TMEM178B: variants seen among roughly 807,000 people sequenced by gnomAD.
The protein encoded by TMEM178B is transmembrane protein 178B.
TMEM178B carries 5 observed loss-of-function variants against 31.0 expected under a neutral mutation model. That is an observed-to-expected ratio of 0.16 (90% confidence interval 0.08 to 0.34). The LOEUF (loss-of-function observed/expected upper bound fraction) is 0.34. Ranked by LOEUF, TMEM178B falls within the 10% of genes least tolerant of loss-of-function variation. The probability of loss-of-function intolerance (pLI) is 1.00; values close to 1 mark genes in which losing one functional copy is unlikely to be tolerated. For missense variants in TMEM178B, 275 were observed against 400.3 expected, an observed-to-expected ratio of 0.69 and a Z score of 2.67; for synonymous variants, 164 against 164.0, an observed-to-expected ratio of 1.00 and a Z score of 0.00.
At chr7:141,420,251 G>T (rs570182331) in intron 2 of TMEM178B, among the ~76,000 whole-genome samples, 1 of 152,090 alleles carries the variant, frequency 6.6e-6, no homozygotes, top group African/African-American at 2.4e-5. Flanking sequence ...TCTTTCTCTG[G>T]AAAGTGTGTT....
At chr7:141,217,148 A>C (rs975494626) in intron 2 of TMEM178B, among the ~76,000 whole-genome samples, 1 of 152,194 alleles carries the variant, frequency 6.6e-6, no homozygotes, top group Non-Finnish European at 1.5e-5. Context: ...TATGCTTTTC[A>C]TATCCCACAG....
chr7:141,134,213 C>T (rs1795638714), intron 1 of TMEM178B, among the ~76,000 whole-genome samples: 1 of 151,854 alleles, frequency 6.6e-6, no homozygotes. Context: ...TCAGCCTAGG[C>T]AACAGAGTGA....
At chr7:141,331,251 C>T (rs917468730) in intron 2 of TMEM178B, among the ~76,000 whole-genome samples, 6 of 152,030 alleles carry the variant, frequency 3.9e-5, no homozygotes, top group African/African-American at 1.2e-4. Context: ...ATGATAACAC[C>T]AAGGGAGTAA....
Position 141,437,184 on chromosome 7 carries a change from G to A in TMEM178B, c.497-424G>A, listed in dbSNP as rs145765821. On this transcript the variant is annotated intron_variant, in intron 2 of 3. Coordinates refer to ENST00000565468, the MANE Select transcript of TMEM178B (RefSeq NM_001195278.2). The stretch of plus-strand genomic sequence containing the variant: ...CCTTGGAGAGGCTGAGTGATGCTGT[G>A]TTTGGAAGCTGGGAGTGCTAGACAG... 1.8e-3 allele frequency among the ~76,000 whole-genome samples: 271 copies of A among 152,320 alleles called. 1 individual carries two copies. Among genetic ancestry groups the A allele is most frequent in the African/African-American group, 5.9e-3 (245 of 41,572 alleles).
At chr7:141,143,044 T>C (rs1162328955) in intron 1 of TMEM178B, among the ~76,000 whole-genome samples, 3 of 152,236 alleles carry the variant, frequency 2.0e-5, no homozygotes, top group Non-Finnish European at 4.4e-5. Flanking sequence ...TGTCTGTTTA[T>C]GTTTTTTGCC....
chr7:141,464,980 G>A (rs537931343), intron 3 of TMEM178B, among the ~76,000 whole-genome samples: 8 of 152,170 alleles, frequency 5.3e-5, no homozygotes, highest in Non-Finnish European at 1.0e-4. Context: ...GAGTCTGAAT[G>A]GGATTAGGCC....
intron 1 of TMEM178B, among the ~76,000 whole-genome samples, chr7:141,158,509 A>G (rs1055208218): frequency 6.6e-6 from 1 of 152,222 alleles, no homozygotes; most frequent in African/African-American, 2.4e-5. Context: ...ATAGGTGCTT[A>G]GTAAATATTT....
intron 2 of TMEM178B, among the ~76,000 whole-genome samples, chr7:141,273,518 A>T (rs981938022): frequency 1.3e-5 from 2 of 152,252 alleles, no homozygotes; most frequent in Non-Finnish European, 2.9e-5. Flanking sequence ...TTGAAGAAAC[A>T]TTAAGGCACA....
intron 1 of TMEM178B, among the ~76,000 whole-genome samples, chr7:141,119,695 G>A (rs922455019): frequency 6.6e-6 from 1 of 152,148 alleles, no homozygotes; most frequent in Non-Finnish European, 1.5e-5. Flanking sequence ...GGAGGGTAAG[G>A]GTGAGATGGA....
intron 1 of TMEM178B, among the ~76,000 whole-genome samples, chr7:141,182,069 T>TA (rs1450415673): frequency 6.6e-6 from 1 of 152,200 alleles, no homozygotes; most frequent in Non-Finnish European, 1.5e-5. Flanking sequence ...CACCCTTTCC[T>TA]ATTGGCTTAC....
At chr7:141,245,058 A>G (rs1239499384) in intron 2 of TMEM178B, among the ~76,000 whole-genome samples, 1 of 150,428 alleles carries the variant, frequency 6.6e-6, no homozygotes, top group Non-Finnish European at 1.5e-5. Context: ...AATTGCTTGA[A>G]CCTGGGAGGC....
At chr7:141,470,220 TG>T (rs1802214671) in intron 3 of TMEM178B, among the ~76,000 whole-genome samples, 1 of 152,212 alleles carries the variant, frequency 6.6e-6, no homozygotes, top group Non-Finnish European at 1.5e-5. Context: ...AATGCTCTTC[TG>T]CTCACTCTAC....
chr7:141,117,718 T>A (rs919705578), intron 1 of TMEM178B, among the ~76,000 whole-genome samples: 1 of 152,258 alleles, frequency 6.6e-6, no homozygotes, highest in African/African-American at 2.4e-5. Flanking sequence ...AGTTTCAGTA[T>A]TCTGCATATG....
intron 2 of TMEM178B, among the ~76,000 whole-genome samples, chr7:141,262,029 A>G (rs1376059006): frequency 2.6e-5 from 4 of 152,154 alleles, no homozygotes; most frequent in Non-Finnish European, 5.9e-5. Context: ...CAGCTCATCC[A>G]GTTTCCTCTC....
intron 2 of TMEM178B, among the ~76,000 whole-genome samples, chr7:141,429,467 CAT>C (rs776462065): frequency 5.9e-5 from 9 of 152,246 alleles, no homozygotes; most frequent in Non-Finnish European, 1.3e-4. Context: ...TGATCTCACT[CAT>C]ATGTGGAATC....
chr7:141,415,826 C>T (rs755591424), intron 2 of TMEM178B, among the ~76,000 whole-genome samples: 3 of 152,098 alleles, frequency 2.0e-5, no homozygotes, highest in Non-Finnish European at 4.4e-5. Context: ...TTAGCATGTC[C>T]AATCAGCTGT....
chr7:141,493,179 C>T, the TMEM178B span, among the ~76,000 whole-genome samples: 3 of 152,158 alleles, frequency 2.0e-5, no homozygotes, highest in Non-Finnish European at 4.4e-5. Context: ...TCTCCCCAAC[C>T]CCAACTCCCC....
At chr7:141,456,545 C>T (rs542772170) in intron 3 of TMEM178B, among the ~76,000 whole-genome samples, 5 of 152,298 alleles carry the variant, frequency 3.3e-5, no homozygotes, top group African/African-American at 1.2e-4. Flanking sequence ...CATGCCAGCC[C>T]TGGGGGAGTG....
At chr7:141,356,586 A>G (rs1799823154) in intron 2 of TMEM178B, among the ~76,000 whole-genome samples, 1 of 145,410 alleles carries the variant, frequency 6.9e-6, no homozygotes, top group Non-Finnish European at 1.5e-5. Context: ...TTGCTTGTTG[A>G]ATTGTTTAAC....
Sources: gnomAD v4.1 joint callset for allele counts (sites outside exome capture counted in the v4.1 genomes callset) on GRCh38, gnomAD v4.1.1 for gene constraint, MANE v1.5 for transcripts, NCBI Gene and HGNC (gene_info 2026-07-23, HGNC 2026-07-21) for gene names.